Variants in RHOH observed in about 807,000 individuals in gnomAD.
RHOH encodes rho-related GTP-binding protein RhoH.
Under a neutral mutation model 13.8 loss-of-function variants are expected in RHOH, and 6 were observed. The ratio of observed to expected loss-of-function variants is 0.44; its 90% CI spans 0.24 to 0.86. The LOEUF (loss-of-function observed/expected upper bound fraction) is 0.86. Ranked by LOEUF, RHOH falls within the 40% of genes least tolerant of loss-of-function variation. RHOH has a pLI of 0.24. For missense variants in RHOH, 147 were observed against 244.5 expected, an observed-to-expected ratio of 0.60 and a Z score of 2.66; for synonymous variants, 117 against 103.0, an observed-to-expected ratio of 1.14 and a Z score of -0.82.
intron 1 of RHOH, among the ~76,000 whole-genome samples, chr4:40,198,114 A>G (rs1220175420): frequency 6.6e-6 from 1 of 152,242 alleles, no homozygotes; most frequent in Admixed American, 6.5e-5. Context: ...GAAGCAATGC[A>G]AGATGAGAAT....
At chr4:40,199,379 T>G (rs1302773384) in intron 1 of RHOH, among the ~76,000 whole-genome samples, 2 of 152,114 alleles carry the variant, frequency 1.3e-5, no homozygotes, top group Admixed American at 6.5e-5. Flanking sequence ...CCAGGGAAAG[T>G]AGGGTGACAG....
Position 40,243,507 on chromosome 4 carries a change from A to C in RHOH, c.121A>C (p.Thr41Pro). The change falls in exon 3 of 3, where the codon ACA becomes CCA. Residue 41 changes from threonine (T) to proline (P), a missense_variant. Around this residue, in one of 3 missense-constraint regions of RHOH, gnomAD observed 80 missense variants for 152.0 expected, o/e 0.53. Coordinates refer to ENST00000381799, the MANE Select transcript of RHOH (RefSeq NM_004310.5). The surrounding 1 kb of genome is among the most constrained non-coding windows in gnomAD (Gnocchi z 6.2). Reference sequence around the variant, plus strand: ...CTACAAGCCCACAGTGTACGAGAACACAGGGGTGGACGTCTTCATGGATGG... The same window carrying C: ...CTACAAGCCCACAGTGTACGAGAACCCAGGGGTGGACGTCTTCATGGATGG... ...EAYKPTVYEN[T>P]GVDVFMDGIQ... The C allele has an allele frequency of 1.9e-6, 3 of 1,613,856 alleles. No individual in the cohort carries two copies. Among genetic ancestry groups the C allele is most frequent in the Non-Finnish European group, 2.5e-6 (3 of 1,179,986 alleles).
intron 1 of RHOH, among the ~76,000 whole-genome samples, chr4:40,236,260 C>G (rs924080454): frequency 1.3e-5 from 2 of 152,216 alleles, no homozygotes; most frequent in African/African-American, 4.8e-5. Context: ...TACAGCATCT[C>G]TTGTTCACGA....
upstream of RHOH, among the ~76,000 whole-genome samples, chr4:40,196,334 C>T (rs976153781): frequency 6.6e-6 from 1 of 152,154 alleles, no homozygotes; most frequent in African/African-American, 2.4e-5. Context: ...TTGGGTTAGG[C>T]GTTTAGCCAT....
chr4:40,232,212 G>A (rs1237037536), intron 1 of RHOH, among the ~76,000 whole-genome samples: 1 of 137,618 alleles, frequency 7.3e-6, no homozygotes, highest in African/African-American at 2.7e-5. Context: ...AGTTAAAAGA[G>A]AATGGATTGG....
Position 40,243,151 on chromosome 4 carries a change from A to G in RHOH, c.-209-27A>G, listed in dbSNP as rs1005192496. On this transcript the variant is annotated intron_variant, in intron 2 of 2. Coordinates refer to ENST00000381799, the MANE Select transcript of RHOH (RefSeq NM_004310.5). The surrounding 1 kb of genome is among the most constrained non-coding windows in gnomAD (Gnocchi z 6.2). ...AAGGCAAGAAAGAAAGAAAGACTTC[A>G]TTTTCCCCCTTCTCTTTCTGTTCCA... 2 of 430,166 alleles carry G rather than the reference A, an allele frequency of 4.6e-6. No homozygotes were observed. Among genetic ancestry groups the G allele is most frequent in the East Asian group, 3.5e-5 (1 of 28,410 alleles). The allele number at this position is 430,166 out of a possible 1,614,324, so 26.6% of individuals were successfully genotyped here.
At chr4:40,227,405 A>G (rs577973774) in intron 1 of RHOH, among the ~76,000 whole-genome samples, 2 of 149,350 alleles carry the variant, frequency 1.3e-5, no homozygotes, top group Non-Finnish European at 3.0e-5. Flanking sequence ...GTAGATGGAA[A>G]GTGTGCTGAC....
upstream of RHOH, chr4:40,192,854 A>G (rs1353232213): frequency 6.6e-6 from 1 of 152,308 alleles, no homozygotes; most frequent in East Asian, 1.9e-4. Flanking sequence ...AGTGACAGCC[A>G]GGACAGATGA....
intron 1 of RHOH, among the ~76,000 whole-genome samples, chr4:40,237,149 T>C (rs1728679024): frequency 6.6e-6 from 1 of 152,198 alleles, no homozygotes; most frequent in Non-Finnish European, 1.5e-5. Flanking sequence ...TTGCTTCCCT[T>C]TCCCCACAAG....
At position 40,244,099 on chromosome 4, in the gene RHOH, G is replaced by A. The variant is rs1308832576; in HGVS notation, c.*137G>A. On this transcript the variant is annotated 3_prime_UTR_variant, in exon 3 of 3. Coordinates refer to ENST00000381799, the MANE Select transcript of RHOH (RefSeq NM_004310.5). ...GCGTCTCCTTTTGGATACAGTTATT[G>A]ATGAGGCTTGGCCACTGGATGTTTT... 7.2e-6 allele frequency: 5 copies of A among 694,202 alleles called. No individual in the cohort carries two copies. The highest frequency in any genetic ancestry group is 1.2e-5 in the Non-Finnish European group (5 of 412,620). The allele number at this position is 694,202 out of a possible 1,614,324, so 43.0% of individuals were successfully genotyped here. A position where few individuals can be genotyped will look rare whatever the true frequency, so the allele number is the denominator to read the frequency against.
intron 1 of RHOH, among the ~76,000 whole-genome samples, chr4:40,200,761 C>T (rs574273261): frequency 2.3e-4 from 35 of 152,260 alleles, no homozygotes; most frequent in African/African-American, 7.9e-4. Context: ...CGTACGGTGC[C>T]GCTCATTTAA....
intron 1 of RHOH, chr4:40,235,388 GAGACC>G (rs1482223227): frequency 6.6e-6 from 1 of 151,736 alleles, no homozygotes; most frequent in Non-Finnish European, 1.5e-5. Context: ...TCAGGAGTTT[GAGACC>G]AGCCTGGCCA....
intron 1 of RHOH, among the ~76,000 whole-genome samples, chr4:40,223,226 G>A (rs897964772): frequency 6.6e-6 from 1 of 152,212 alleles, no homozygotes; most frequent in African/African-American, 2.4e-5. Context: ...CAGTGGCAGG[G>A]TTTGAGAGGA....
chr4:40,228,404 G>A (rs1223937892), intron 1 of RHOH, among the ~76,000 whole-genome samples: 1 of 152,000 alleles, frequency 6.6e-6, no homozygotes, highest in African/African-American at 2.4e-5. Context: ...TCAGAAAATA[G>A]GATATATAGA....
chr4:40,192,598 A>G (rs182533111), upstream of RHOH, among the ~76,000 whole-genome samples: 3 of 152,350 alleles, frequency 2.0e-5, no homozygotes, highest in Admixed American at 6.5e-5. Flanking sequence ...AAAAACCTCA[A>G]TAAAAGAGGT....
intron 1 of RHOH, among the ~76,000 whole-genome samples, chr4:40,198,466 G>C (rs78481722): frequency 0.015 from 2,347 of 152,330 alleles, 45 homozygotes; most frequent in Non-Finnish European, 0.023. Flanking sequence ...AATAGTCCTT[G>C]GTCTCCTTCT....
intron 1 of RHOH, among the ~76,000 whole-genome samples, chr4:40,206,030 A>G (rs538435703): frequency 1.6e-4 from 24 of 152,368 alleles, no homozygotes; most frequent in Admixed American, 1.3e-3. Context: ...TGCATCATAC[A>G]GTCACAGCCC....
chr4:40,239,231 A>G (rs987544664), intron 1 of RHOH, among the ~76,000 whole-genome samples: 2 of 152,226 alleles, frequency 1.3e-5, no homozygotes, highest in Non-Finnish European at 2.9e-5. Context: ...AGTTTGGGAA[A>G]CTGAGGCCCT....
intron 1 of RHOH, among the ~76,000 whole-genome samples, chr4:40,203,927 G>A (rs770225687): frequency 6.6e-5 from 10 of 152,018 alleles, no homozygotes; most frequent in South Asian, 2.1e-4. Context: ...GGAGTGCTAC[G>A]GACAGAAAAC....
Sources: allele counts gnomAD v4.1 joint callset (sites outside exome capture counted in the v4.1 genomes callset), GRCh38; gene constraint gnomAD v4.1.1; regional missense constraint gnomAD v4.1.1; non-coding constraint Gnocchi (gnomAD v3.1); transcripts MANE v1.5; gene names NCBI Gene and HGNC (gene_info 2026-07-23, HGNC 2026-07-21).